The following OR51B5 variants were observed in gnomAD, a reference collection of about 807,000 sequenced individuals.
The protein encoded by OR51B5 is olfactory receptor 51B5.
For synonymous variants in OR51B5, 186 were observed against 144.8 expected (o/e 1.28, Z -2.04); for missense variants, 456 against 374.6 (o/e 1.22, Z -1.79).
Position 5,484,174 on chromosome 11 carries a change from A to G in OR51B5, n.84+21395T>C, listed in dbSNP as rs191866247. On this transcript the variant is annotated intron_variant and non_coding_transcript_variant, in intron 1 of 4. Coordinates refer to the OR51B5 transcript ENST00000415970. ...GATTCCTCAGCAATATGTTCAGTCA[A>G]TGAACTCACAGCTAAGTTACTGACA... Among the ~76,000 whole-genome samples, 562 of 152,268 alleles carry G rather than the reference A, an allele frequency of 3.7e-3. 10 individuals are homozygous for G. The highest frequency in any genetic ancestry group is 0.012 in the East Asian group (61 of 5,184).
chr11:5,424,963 CAG>C (rs1326455356), intron 1 of OR51B5, among the ~76,000 whole-genome samples: 2 of 79,136 alleles, frequency 2.5e-5, no homozygotes, highest in East Asian at 2.5e-4. Context: ...GCCTGGGCGA[CAG>C]AGTGAGACTC....
At chr11:5,471,949 T>C (rs184319088) in intron 1 of OR51B5, among the ~76,000 whole-genome samples, 88 of 152,242 alleles carry the variant, frequency 5.8e-4, no homozygotes, top group African/African-American at 2.1e-3. Flanking sequence ...AAGAGGGACA[T>C]TGAGGGGCTG....
At chr11:5,477,999 G>A (rs1354545630) in intron 1 of OR51B5, among the ~76,000 whole-genome samples, 2 of 151,946 alleles carry the variant, frequency 1.3e-5, no homozygotes, top group African/African-American at 4.8e-5. Context: ...CCAACTGGGT[G>A]GAGCCCACCA....
At chr11:5,367,300 C>G (rs868025415) in intron 1 of OR51B5, among the ~76,000 whole-genome samples, 3 of 152,048 alleles carry the variant, frequency 2.0e-5, no homozygotes, top group African/African-American at 7.2e-5. Context: ...TGGGGCAAAT[C>G]CATACAGAAA....
intron 1 of OR51B5, among the ~76,000 whole-genome samples, chr11:5,457,912 T>A (rs1564820089): frequency 6.6e-6 from 1 of 152,332 alleles, no homozygotes; most frequent in South Asian, 2.1e-4. Flanking sequence ...ATTCTGTATG[T>A]TGTCTATTCA....
At chr11:5,429,257 A>T (rs777035559) in intron 1 of OR51B5, among the ~76,000 whole-genome samples, 1 of 151,918 alleles carries the variant, frequency 6.6e-6, no homozygotes. Context: ...TTGAGTAATA[A>T]CTCCATCTCC....
At chr11:5,383,092 A>G (rs567511492) in intron 1 of OR51B5, among the ~76,000 whole-genome samples, 1 of 149,980 alleles carries the variant, frequency 6.7e-6, no homozygotes, top group Non-Finnish European at 1.5e-5. Flanking sequence ...GTACAAGACT[A>G]TTTTTTTTTT....
At chr11:5,425,605 AT>A (rs1212998046) in intron 1 of OR51B5, among the ~76,000 whole-genome samples, 2 of 152,126 alleles carry the variant, frequency 1.3e-5, no homozygotes, top group African/African-American at 2.4e-5. Context: ...ATTTTTGTAA[AT>A]TTTTTTAATT....
chr11:5,373,274 G>A (rs569748122), intron 1 of OR51B5, among the ~76,000 whole-genome samples: 2 of 152,268 alleles, frequency 1.3e-5, no homozygotes, highest in Admixed American at 1.3e-4. Context: ...ATATTGTCTT[G>A]ATTTGAAGAA....
exon 1 of OR51B5, chr11:5,342,829 C>T: frequency 6.2e-7 from 1 of 1,612,756 alleles, no homozygotes. Flanking sequence ...GAGCCTTGGC[C>T]CTCTCCTCTC....
intron 1 of OR51B5, chr11:5,505,557 TA>T (rs1846360297): frequency 9.3e-7 from 1 of 1,074,896 alleles, no homozygotes; most frequent in African/African-American, 1.7e-5. Context: ...GAAAGAGGTT[TA>T]CCGGACTTAC....
chr11:5,441,269 A>T (rs758237697), intron 1 of OR51B5: 15 of 1,613,884 alleles, frequency 9.3e-6, no homozygotes, highest in Non-Finnish European at 1.1e-5. Flanking sequence ...TAGAAATCAC[A>T]GTGGGAAGTG....
At chr11:5,436,744 G>T (rs1850601226) in intron 1 of OR51B5, among the ~76,000 whole-genome samples, 1 of 152,198 alleles carries the variant, frequency 6.6e-6, no homozygotes, top group African/African-American at 2.4e-5. Context: ...GAGGCATGAT[G>T]AGAGAATCTG....
At chr11:5,419,308 C>T (rs563933653) in intron 1 of OR51B5, among the ~76,000 whole-genome samples, 9 of 152,210 alleles carry the variant, frequency 5.9e-5, no homozygotes, top group Non-Finnish European at 1.2e-4. Context: ...ATCAGGCACA[C>T]CTAGAGAAAA....
rs76313173 is a variant in OR51B5 at position 5,444,259 on chromosome 11, C to T, written n.84+61310G>A. 5.9e-3 allele frequency among the ~76,000 whole-genome samples: 903 copies of T among 152,184 alleles called. 16 individuals carry two copies. Among genetic ancestry groups the T allele is most frequent in the African/African-American group, 0.021 (863 of 41,540 alleles). ...GTTAAATGACTTCAGTCATTTGGTT[C>T]TGTAACTTTTCTCCAGCTGTACACA... On this transcript the variant is annotated intron_variant and non_coding_transcript_variant, in intron 1 of 4. Transcript: ENST00000415970.
At chr11:5,391,968 C>T (rs1849802178) in intron 1 of OR51B5, 1 of 152,256 alleles carries the variant, frequency 6.6e-6, no homozygotes, top group Middle Eastern at 3.4e-3. Flanking sequence ...ACCTGGGAGG[C>T]TGAGGTGGGA....
chr11:5,475,094 C>T (rs1257969677), intron 1 of OR51B5, among the ~76,000 whole-genome samples: 6 of 152,132 alleles, frequency 3.9e-5, no homozygotes, highest in South Asian at 4.1e-4. Context: ...GCTTTACTGA[C>T]GTCTTACCAG....
chr11:5,395,744 T>G (rs1849860264), intron 1 of OR51B5, among the ~76,000 whole-genome samples: 1 of 152,166 alleles, frequency 6.6e-6, no homozygotes, highest in Admixed American at 6.5e-5. Context: ...TTTAGAAAGA[T>G]TCAGTAACTT....
chr11:5,421,048 A>C (rs1362385058), intron 1 of OR51B5, among the ~76,000 whole-genome samples: 1 of 152,220 alleles, frequency 6.6e-6, no homozygotes, highest in African/African-American at 2.4e-5. Context: ...GTTCAAGCTT[A>C]AGCATGCAGT....
Sources: allele counts gnomAD v4.1 joint callset (sites outside exome capture counted in the v4.1 genomes callset), GRCh38; gene constraint gnomAD v4.1.1; transcripts MANE v1.5; gene names NCBI Gene and HGNC (gene_info 2026-07-23, HGNC 2026-07-21).